The following TRAPPC9 variants were observed in gnomAD, a reference collection of about 807,000 sequenced individuals.
TRAPPC9 encodes the protein IKK2 binding protein.
Under a neutral mutation model 124.0 loss-of-function variants are expected in TRAPPC9, and 83 were observed. The ratio of observed to expected loss-of-function variants is 0.67; its 90% CI spans 0.56 to 0.80. TRAPPC9 has a LOEUF of 0.80. TRAPPC9 is among the 30% of genes least tolerant of loss of function. The pLI, the probability that TRAPPC9 is intolerant of heterozygous loss-of-function variation, is 0.00. For missense variants in TRAPPC9, 1,302 were observed against 1,508.3 expected (o/e 0.86, Z 2.27); for synonymous variants, 638 against 617.5 (o/e 1.03, Z -0.49).
At chr8:140,418,853 A>G (rs1477626947) in intron 5 of TRAPPC9, among the ~76,000 whole-genome samples, 14 of 152,264 alleles carry the variant, frequency 9.2e-5, no homozygotes, top group Admixed American at 9.2e-4. Context: ...AGGTTTATAC[A>G]ACATGATCAA....
intron 17 of TRAPPC9, chr8:140,099,587 C>T (rs886618936): frequency 6.6e-6 from 1 of 150,818 alleles, no homozygotes; most frequent in East Asian, 2.0e-4. Context: ...GGTCTCAGTG[C>T]GCAGCTGCAG....
At chr8:140,221,360 GC>G (rs924372068) in intron 17 of TRAPPC9, 98 bp downstream of exon 17, 4 of 1,524,922 alleles carry the variant, frequency 2.6e-6, no homozygotes, top group Non-Finnish European at 1.8e-6. Context: ...AATACACATA[GC>G]CTTTCCTTTC....
At chr8:140,163,846 T>C (rs1185544289) in intron 17 of TRAPPC9, among the ~76,000 whole-genome samples, 1 of 152,048 alleles carries the variant, frequency 6.6e-6, no homozygotes, top group Admixed American at 6.6e-5. Flanking sequence ...AGAAGAGAGT[T>C]GTAAAAAGAG....
In TRAPPC9 at chr8:139,825,859, T is replaced by C. The variant is rs925804941; in HGVS notation, c.3055+60020A>G. On this transcript the variant is annotated intron_variant, in intron 21 of 22. Transcript: ENST00000438773. The surrounding 1 kb of genome is among the most constrained non-coding windows in gnomAD (Gnocchi z 4.6). ...AGGATTTCCAGGGCTTCCTCACCCA[T>C]GGGTTCCTGAATCAGAATATTTCCT... Among the ~76,000 whole-genome samples the C allele has an allele frequency of 9.2e-5, 14 of 151,834 alleles. No homozygotes were observed. Among genetic ancestry groups the C allele is most frequent in the Admixed American group, 5.9e-4 (9 of 15,246 alleles).
intron 17 of TRAPPC9, among the ~76,000 whole-genome samples, chr8:140,153,770 G>A (rs1026084666): frequency 4.6e-5 from 7 of 152,124 alleles, no homozygotes; most frequent in African/African-American, 7.2e-5. Context: ...TTCAATAGCC[G>A]CAGATACATT....
In TRAPPC9 at chr8:139,730,145, CA is replaced by C. The variant is rs987177667; in HGVS notation, c.*915del. Among the ~76,000 whole-genome samples, 1 of 152,202 alleles carries C rather than the reference CA, an allele frequency of 6.6e-6. No homozygotes were observed. The highest frequency in any genetic ancestry group is 2.4e-5 in the African/African-American group (1 of 41,442). ...CTTCACTGGTGATCTCCCTCCCCTG[CA>C]GGCCTCCTTCCACCTCCCAGACAAG... is the stretch of plus-strand genomic sequence containing the variant. On this transcript the variant is annotated 3_prime_UTR_variant, in exon 23 of 23. Transcript: ENST00000438773.
intron 21 of TRAPPC9, among the ~76,000 whole-genome samples, chr8:139,790,120 C>T (rs1334358996): frequency 1.3e-5 from 2 of 152,234 alleles, no homozygotes; most frequent in Admixed American, 6.5e-5. Flanking sequence ...ACAATCTCTA[C>T]ATCAGGACAC....
At chr8:140,082,122 G>A (rs1843864208) in intron 17 of TRAPPC9, 1 of 152,172 alleles carries the variant, frequency 6.6e-6, no homozygotes, top group African/African-American at 2.4e-5. Context: ...AAAATGTTTT[G>A]ACCCATTTCT....
At chr8:140,287,378 G>A (rs559616613) in intron 13 of TRAPPC9, among the ~76,000 whole-genome samples, 4 of 152,244 alleles carry the variant, frequency 2.6e-5, no homozygotes, top group South Asian at 4.2e-4. Flanking sequence ...GAAGCAGAGG[G>A]AGGAGGGGCA....
Position 140,409,117 on chromosome 8 carries a change from T to A in TRAPPC9, c.887-3419A>T, listed in dbSNP as rs537166670. Among the ~76,000 whole-genome samples the A allele has an allele frequency of 8.1e-5, 12 of 148,848 alleles. 1 individual carries two copies. Among genetic ancestry groups the A allele is most frequent in the Admixed American group, 6.0e-4 (9 of 14,952 alleles). On this transcript the variant is annotated intron_variant, in intron 5 of 22. Transcript: ENST00000438773. Reference sequence around the variant, plus strand: ...CCACATACATCAAGGTCACAAAAGTTGAAAAAGAAAAACACAACTAAAAAT... The same window carrying A: ...CCACATACATCAAGGTCACAAAAGTAGAAAAAGAAAAACACAACTAAAAAT...
At chr8:140,207,836 G>T (rs930267392) in intron 17 of TRAPPC9, among the ~76,000 whole-genome samples, 1 of 152,178 alleles carries the variant, frequency 6.6e-6, no homozygotes, top group Non-Finnish European at 1.5e-5. Flanking sequence ...TCAATGCCTA[G>T]ATTATTTGGA....
intron 21 of TRAPPC9, among the ~76,000 whole-genome samples, chr8:139,745,803 G>T (rs1188744371): frequency 6.6e-6 from 1 of 152,234 alleles, no homozygotes; most frequent in African/African-American, 2.4e-5. Context: ...GTGCCTTTTG[G>T]CCAAGACTTC....
Position 139,893,827 on chromosome 8 carries a change from G to A in TRAPPC9, c.2965-7858C>T, listed in dbSNP as rs34405684. 5.0e-3 allele frequency among the ~76,000 whole-genome samples: 754 copies of A among 152,310 alleles called. 2 individuals are homozygous for A. Among genetic ancestry groups the A allele is most frequent in the Non-Finnish European group, 8.5e-3 (577 of 68,024 alleles). On this transcript the variant is annotated intron_variant, in intron 20 of 22. Transcript: ENST00000438773. ...CTAACATGTGAGGGGACCGAGCCTCGGGAAGGTCAAACAACTTGCTGGCTT... is the reference window on the plus strand; with the variant it reads ...CTAACATGTGAGGGGACCGAGCCTCAGGAAGGTCAAACAACTTGCTGGCTT...
intron 21 of TRAPPC9, among the ~76,000 whole-genome samples, chr8:139,738,002 G>T (rs772240479): frequency 6.6e-6 from 1 of 152,220 alleles, no homozygotes; most frequent in Non-Finnish European, 1.5e-5. Context: ...ATGCAATTGA[G>T]AGGAAGGACG....
intron 18 of TRAPPC9, among the ~76,000 whole-genome samples, chr8:140,000,198 G>T (rs1420113479): frequency 6.6e-6 from 1 of 152,056 alleles, no homozygotes; most frequent in Non-Finnish European, 1.5e-5. Context: ...GCTGAAACTG[G>T]ATCCCTTCCT....
intron 1 of TRAPPC9, among the ~76,000 whole-genome samples, 157 bp from the exon 2 acceptor site, chr8:140,451,540 G>A (rs188377099): frequency 2.3e-3 from 347 of 152,338 alleles, no homozygotes; most frequent in Middle Eastern, 6.8e-3. Context: ...ACACGTGGCT[G>A]TCGCAGCTCT....
intron 3 of TRAPPC9, among the ~76,000 whole-genome samples, chr8:140,436,303 G>A (rs113301957): frequency 6.0e-4 from 91 of 152,210 alleles, no homozygotes; most frequent in African/African-American, 1.7e-3. Context: ...CTGAAATCAC[G>A]CCATTGCACT....
intron 20 of TRAPPC9, among the ~76,000 whole-genome samples, chr8:139,893,556 C>T (rs1057379994): frequency 7.9e-5 from 12 of 152,242 alleles, no homozygotes; most frequent in Non-Finnish European, 8.8e-5. Context: ...TGCAACTCCT[C>T]GGACCAAAAG....
intron 21 of TRAPPC9, among the ~76,000 whole-genome samples, chr8:139,867,116 G>A (rs981208623): frequency 3.3e-5 from 5 of 152,202 alleles, no homozygotes; most frequent in East Asian, 1.9e-4. Context: ...TTACAGGCAT[G>A]AGCCACTGCA....
Sources: gnomAD v4.1 joint callset for allele counts (sites outside exome capture counted in the v4.1 genomes callset) on GRCh38, gnomAD v4.1.1 for gene constraint, Gnocchi (gnomAD v3.1) non-coding constraint, MANE v1.5 for transcripts, NCBI Gene and HGNC (gene_info 2026-07-23, HGNC 2026-07-21) for gene names.